SORCS1: variants seen among roughly 807,000 people sequenced by gnomAD.
The protein encoded by SORCS1 is sortilin related VPS10 domain containing receptor 1.
Under a neutral mutation model 146.1 loss-of-function variants are expected in SORCS1, and 60 were observed. The observed-to-expected ratio is 0.41, with a 90% confidence interval of 0.33 to 0.51. The LOEUF (loss-of-function observed/expected upper bound fraction) is 0.51, where lower values mean the gene tolerates loss of function less well. SORCS1 is among the 20% of genes least tolerant of loss of function. SORCS1 has a pLI of 0.21. For missense variants in SORCS1, 1,352 were observed against 1,487.6 expected (o/e 0.91, Z 1.50); for synonymous variants, 637 against 584.0 (o/e 1.09, Z -1.31).
intron 5 of SORCS1, among the ~76,000 whole-genome samples, chr10:106,750,886 C>T (rs1244942005): frequency 6.7e-6 from 1 of 149,814 alleles, no homozygotes; most frequent in Admixed American, 6.7e-5. Context: ...GGTGAAACCC[C>T]CTCTCTACTA....
intron 22 of SORCS1, among the ~76,000 whole-genome samples, chr10:106,610,366 C>A (rs188305761): frequency 6.6e-6 from 1 of 152,208 alleles, no homozygotes; most frequent in Admixed American, 6.5e-5. Flanking sequence ...AGTTTCATTT[C>A]TTCACCTACA....
intron 17 of SORCS1, among the ~76,000 whole-genome samples, chr10:106,656,143 C>T (rs1307900581): frequency 6.6e-6 from 1 of 152,178 alleles, no homozygotes; most frequent in Non-Finnish European, 1.5e-5. Context: ...CTCCAACAAC[C>T]CCAATTTTTA....
intron 6 of SORCS1, among the ~76,000 whole-genome samples, chr10:106,719,986 C>T (rs771909905): frequency 1.3e-5 from 2 of 152,202 alleles, no homozygotes; most frequent in Non-Finnish European, 2.9e-5. Context: ...ACAAGTCTCT[C>T]CCATATTTCC....
intron 24 of SORCS1, among the ~76,000 whole-genome samples, chr10:106,589,063 TGG>T (rs1347979986): frequency 2.6e-5 from 4 of 152,094 alleles, no homozygotes; most frequent in Admixed American, 2.6e-4. Context: ...TTTCTAACTA[TGG>T]GGCAGGGTTT....
chr10:106,675,796 T>G (rs1477486488), intron 13 of SORCS1, among the ~76,000 whole-genome samples: 4 of 152,170 alleles, frequency 2.6e-5, no homozygotes. Context: ...GGTGATTAGA[T>G]CCTAAGGGTG....
intron 6 of SORCS1, among the ~76,000 whole-genome samples, chr10:106,712,059 T>C (rs1459963623): frequency 6.6e-6 from 1 of 152,194 alleles, no homozygotes; most frequent in African/African-American, 2.4e-5. Context: ...CTAACCAATG[T>C]TCCATCTTGG....
At chr10:106,920,359 C>T (rs1355811794) in intron 2 of SORCS1, among the ~76,000 whole-genome samples, 1 of 152,160 alleles carries the variant, frequency 6.6e-6, no homozygotes, top group Non-Finnish European at 1.5e-5. Context: ...GGCAGGCCCC[C>T]GGGCTTTCTA....
intron 17 of SORCS1, among the ~76,000 whole-genome samples, chr10:106,656,331 A>T (rs1043514206): frequency 6.6e-6 from 1 of 152,148 alleles, no homozygotes; most frequent in Admixed American, 6.5e-5. Context: ...TGAGCAGATC[A>T]TGAGGTCAGG....
intron 5 of SORCS1, among the ~76,000 whole-genome samples, chr10:106,760,500 T>C (rs892735805): frequency 2.7e-5 from 4 of 146,060 alleles, no homozygotes; most frequent in African/African-American, 5.1e-5. Context: ...CTTTCTACCA[T>C]GTATGGACAC....
chr10:106,849,834 A>T (rs1949470467), intron 2 of SORCS1, among the ~76,000 whole-genome samples: 1 of 151,822 alleles, frequency 6.6e-6, no homozygotes, highest in Non-Finnish European at 1.5e-5. Context: ...GGTCTGTTAG[A>T]ATACCCTGCC....
intron 2 of SORCS1, among the ~76,000 whole-genome samples, chr10:106,930,090 A>G (rs922802094): frequency 1.3e-4 from 20 of 152,180 alleles, no homozygotes; most frequent in Middle Eastern, 6.8e-3. Context: ...AATCATCCCT[A>G]CTAAAAAAAT....
At chr10:106,660,204 A>C (rs1002237222) in intron 17 of SORCS1, among the ~76,000 whole-genome samples, 5 of 152,236 alleles carry the variant, frequency 3.3e-5, no homozygotes, top group African/African-American at 4.8e-5. Context: ...CAAATCCAGG[A>C]AGTGGCAGGT....
intron 5 of SORCS1, among the ~76,000 whole-genome samples, chr10:106,732,876 T>G (rs1856696163): frequency 6.6e-6 from 1 of 151,870 alleles, no homozygotes; most frequent in South Asian, 2.1e-4. Context: ...ATCCCAGCAC[T>G]GTGGGAGGCT....
rs529020174 is a variant in SORCS1, at chr10:107,040,618, C to T, written c.559-84038G>A. On this transcript the variant is annotated intron_variant, in intron 1 of 25. Transcript: ENST00000263054. ...GGCCAGTGACAAGAACTCTCTAAGCCTCAATGTCCCCTTCTGCAAAATGAT... is the reference window on the plus strand; with the variant it reads ...GGCCAGTGACAAGAACTCTCTAAGCTTCAATGTCCCCTTCTGCAAAATGAT... 1.6e-3 allele frequency among the ~76,000 whole-genome samples: 248 copies of T among 152,250 alleles called. No individual in the cohort carries two copies. In the Middle Eastern group the frequency reaches 0.017, roughly 10 times the overall value.
intron 1 of SORCS1, among the ~76,000 whole-genome samples, chr10:107,119,829 T>C (rs1039540199): frequency 2.6e-5 from 4 of 152,098 alleles, no homozygotes; most frequent in African/African-American, 9.7e-5. Context: ...TAATTTCAGA[T>C]AGATAAAAGA....
intron 5 of SORCS1, among the ~76,000 whole-genome samples, chr10:106,760,227 G>C (rs1858978557): frequency 6.6e-6 from 1 of 151,876 alleles, no homozygotes; most frequent in African/African-American, 2.4e-5. Flanking sequence ...GGGGGATCTT[G>C]AGGTCATTAG....
At chr10:106,982,837 G>C (rs1216187728) in intron 1 of SORCS1, among the ~76,000 whole-genome samples, 3 of 151,944 alleles carry the variant, frequency 2.0e-5, no homozygotes, top group African/African-American at 7.2e-5. Flanking sequence ...TGCTCCCCTA[G>C]TGTTAATTTC....
At chr10:106,684,057 C>T (rs932928662) in intron 10 of SORCS1, among the ~76,000 whole-genome samples, 3 of 152,144 alleles carry the variant, frequency 2.0e-5, no homozygotes, top group Non-Finnish European at 2.9e-5. Flanking sequence ...CCAGATAGGC[C>T]GGGCACGGTG....
At chr10:106,725,587 T>TAAATAAATA (rs758639964) in intron 6 of SORCS1, among the ~76,000 whole-genome samples, 12 of 149,802 alleles carry the variant, frequency 8.0e-5, no homozygotes, top group Non-Finnish European at 1.3e-4. Context: ...AATAAATAAA[T>TAAATAAATA]AATAACAGTA....
Sources: allele counts gnomAD v4.1 joint callset (sites outside exome capture counted in the v4.1 genomes callset), GRCh38; gene constraint gnomAD v4.1.1; transcripts MANE v1.5; gene names NCBI Gene and HGNC (gene_info 2026-07-23, HGNC 2026-07-21).